Variants in ALK observed in about 807,000 individuals in gnomAD.
The protein encoded by ALK is ALK receptor tyrosine kinase.
Under a neutral mutation model 163.1 loss-of-function variants are expected in ALK, and 74 were observed. The ratio of observed to expected loss-of-function variants is 0.45; its 90% confidence interval spans 0.38 to 0.55. The LOEUF is 0.55. Among genes scored for constraint, ALK ranks in the 20% least tolerant of loss-of-function variants. The pLI is 0.00. For missense variants in ALK, 2,063 were observed against 2,105.3 expected (o/e 0.98, Z 0.39); for synonymous variants, 960 against 843.2 (o/e 1.14, Z -2.40).
At chr2:29,670,182 C>T (rs977118733) in intron 3 of ALK, among the ~76,000 whole-genome samples, 4 of 152,100 alleles carry the variant, frequency 2.6e-5, no homozygotes, top group South Asian at 2.1e-4. Context: ...CTACCTTTAG[C>T]ATTTCTTTTA....
intron 9 of ALK, among the ~76,000 whole-genome samples, chr2:29,292,705 C>T (rs1221570772): frequency 6.6e-6 from 1 of 152,192 alleles, no homozygotes; most frequent in East Asian, 1.9e-4. Context: ...TTAGGCATTG[C>T]TCTTAGAGAT....
chr2:29,655,611 G>T (rs1677162247), intron 3 of ALK, among the ~76,000 whole-genome samples: 1 of 152,120 alleles, frequency 6.6e-6, no homozygotes, highest in Admixed American at 6.5e-5. Context: ...ACAGTCCTCT[G>T]GGGCTTAGGC....
intron 3 of ALK, among the ~76,000 whole-genome samples, chr2:29,537,626 C>A (rs1673296083): frequency 6.6e-6 from 1 of 152,230 alleles, no homozygotes; most frequent in Non-Finnish European, 1.5e-5. Flanking sequence ...TACACAGAGT[C>A]CCCACTGGGG....
At chr2:29,619,807 G>A (rs968286673) in intron 3 of ALK, among the ~76,000 whole-genome samples, 3 of 152,168 alleles carry the variant, frequency 2.0e-5, no homozygotes, top group Non-Finnish European at 2.9e-5. Flanking sequence ...TCTGCTGCCC[G>A]CACTCAGCCC....
intron 1 of ALK, among the ~76,000 whole-genome samples, chr2:29,728,336 A>G (rs139982252): frequency 6.6e-6 from 1 of 152,220 alleles, no homozygotes; most frequent in Non-Finnish European, 1.5e-5. Context: ...TGGAGCTAAG[A>G]TTAATTCATT....
chr2:29,909,615 G>A (rs999686654), intron 1 of ALK, among the ~76,000 whole-genome samples: 2 of 152,152 alleles, frequency 1.3e-5, no homozygotes, highest in African/African-American at 4.8e-5. Flanking sequence ...TAAGCAAAGA[G>A]CAGCTACCAA....
At chr2:29,663,532 T>C (rs995050088) in intron 3 of ALK, among the ~76,000 whole-genome samples, 2 of 152,164 alleles carry the variant, frequency 1.3e-5, no homozygotes, top group Non-Finnish European at 2.9e-5. Context: ...CCTTAAGCAA[T>C]TTCCCTCTAT....
At chr2:29,348,944 C>T (rs994879758) in intron 5 of ALK, among the ~76,000 whole-genome samples, 2 of 152,236 alleles carry the variant, frequency 1.3e-5, no homozygotes, top group Non-Finnish European at 2.9e-5. Flanking sequence ...CCATCACCTA[C>T]TTGCTCCGTA....
In ALK at chr2:29,328,501, A is replaced by G. The variant is rs1573239409; in HGVS notation, c.1283-20T>C. The G allele has an allele frequency of 6.2e-7, 1 of 1,614,104 alleles. No homozygotes were observed. The highest frequency in any genetic ancestry group is 2.2e-5 in the East Asian group (1 of 44,866). ...ATGTTCCTGGAGAGCACACAGACAC[A>G]CAACCATGGTAAGTTTGCATGGCCC... On this transcript the variant is annotated intron_variant, in intron 5 of 28. Coordinates refer to ENST00000389048, the MANE Select transcript of ALK (RefSeq NM_004304.5).
chr2:29,874,604 A>G (rs1252517847), intron 1 of ALK, among the ~76,000 whole-genome samples: 1 of 152,194 alleles, frequency 6.6e-6, no homozygotes, highest in Non-Finnish European at 1.5e-5. Flanking sequence ...TACCAATGTC[A>G]TTTCTCAATA....
chr2:29,587,967 A>T (rs1411881305), intron 3 of ALK, among the ~76,000 whole-genome samples: 1 of 152,166 alleles, frequency 6.6e-6, no homozygotes, highest in Non-Finnish European at 1.5e-5. Flanking sequence ...TCTTGGGCCA[A>T]GACATGCCTC....
intron 1 of ALK, among the ~76,000 whole-genome samples, chr2:29,919,201 C>G (rs1667916565): frequency 6.6e-6 from 1 of 152,120 alleles, no homozygotes; most frequent in Non-Finnish European, 1.5e-5. Context: ...TGCAGACGTT[C>G]AAGCTAAGAA....
intron 1 of ALK, among the ~76,000 whole-genome samples, chr2:29,770,311 A>C (rs761469839): frequency 2.6e-5 from 4 of 152,226 alleles, no homozygotes; most frequent in Non-Finnish European, 5.9e-5. Context: ...GGGATTTGAA[A>C]AGCTCAAAAG....
rs138595415 is a variant in ALK at position 29,293,640 on chromosome 2, A to G, written c.1817+3248T>C. Among the ~76,000 whole-genome samples the G allele has an allele frequency of 1.0e-3, 156 of 152,288 alleles. 2 individuals are homozygous for G. Among genetic ancestry groups the G allele is most frequent in the African/African-American group, 3.7e-3 (155 of 41,574 alleles). On this transcript the variant is annotated intron_variant, in intron 9 of 28. Transcript: ENST00000389048. Reference sequence around the variant, plus strand: ...TTTAACATGGCAACTGCAAAAGCCTAGAAGTAAGAATGTAGCATGGTACAA... The same window carrying G: ...TTTAACATGGCAACTGCAAAAGCCTGGAAGTAAGAATGTAGCATGGTACAA...
intron 1 of ALK, among the ~76,000 whole-genome samples, chr2:29,892,613 A>G (rs900517356): frequency 1.1e-4 from 16 of 152,168 alleles, no homozygotes; most frequent in African/African-American, 3.9e-4. Flanking sequence ...TCCCTGTTCT[A>G]TAGAGAAAAT....
chr2:29,494,873 TG>T (rs1438960614), intron 4 of ALK, among the ~76,000 whole-genome samples: 15 of 149,364 alleles, frequency 1.0e-4, no homozygotes, highest in Non-Finnish European at 2.2e-4. Context: ...TGTGTGTGTG[TG>T]TGCATGCATG....
intron 1 of ALK, among the ~76,000 whole-genome samples, chr2:29,781,377 C>T (rs1030125673): frequency 6.6e-6 from 1 of 152,192 alleles, no homozygotes; most frequent in Non-Finnish European, 1.5e-5. Flanking sequence ...GGGCTTCTCC[C>T]AGGCTTACTG....
intron 1 of ALK, among the ~76,000 whole-genome samples, chr2:29,886,389 C>T (rs1192843846): frequency 6.6e-6 from 1 of 152,186 alleles, no homozygotes; most frequent in Non-Finnish European, 1.5e-5. Context: ...TACATTTCAG[C>T]CAGTTAACTA....
chr2:29,457,222 C>T (rs562642022), intron 4 of ALK, among the ~76,000 whole-genome samples: 5 of 152,038 alleles, frequency 3.3e-5, no homozygotes, highest in South Asian at 2.1e-4. Context: ...AGCATTGGCT[C>T]GATTGAAATG....
Sources: gnomAD v4.1 joint callset for allele counts (sites outside exome capture counted in the v4.1 genomes callset) on GRCh38, gnomAD v4.1.1 for gene constraint, MANE v1.5 for transcripts, NCBI Gene and HGNC (gene_info 2026-07-23, HGNC 2026-07-21) for gene names.